The following CAPZA1 variants were observed in gnomAD, a reference collection of about 807,000 sequenced individuals.
CAPZA1 encodes the protein F-actin-capping protein subunit alpha-1.
In CAPZA1, 10 loss-of-function variants were observed where a neutral mutation model predicts 40.8. That is an observed-to-expected ratio of 0.25 (90% CI 0.15 to 0.42). The LOEUF is 0.42. Ranked by LOEUF, CAPZA1 falls within the 10% of genes least tolerant of loss-of-function variation. The probability of loss-of-function intolerance (pLI) is 1.00; values close to 1 mark genes in which losing one functional copy is unlikely to be tolerated. For missense variants in CAPZA1, 277 were observed against 353.8 expected, an observed-to-expected ratio of 0.78 and a Z score of 1.74; for synonymous variants, 98 against 115.0, an observed-to-expected ratio of 0.85 and a Z score of 0.95.
chr1:112,631,231 T>C (rs968758037), intron 1 of CAPZA1, among the ~76,000 whole-genome samples: 7 of 152,244 alleles, frequency 4.6e-5, no homozygotes, highest in African/African-American at 1.7e-4. Flanking sequence ...ATGAATTGTT[T>C]TGTGGTTTGT....
chr1:112,660,485 G>A (rs954512664), intron 7 of CAPZA1, among the ~76,000 whole-genome samples: 1 of 152,186 alleles, frequency 6.6e-6, no homozygotes, highest in South Asian at 2.1e-4. Flanking sequence ...TCTCCATGTT[G>A]GTTAGGCTGG....
rs777424326 is a variant in CAPZA1 at position 112,636,506 on chromosome 1, G to A, written c.40-10704G>A. ...AAAGAGGAAATTATGTAAAAGCCTC[G>A]GATAGTCTCCCTTTAAAATATTCAA... is the stretch of plus-strand genomic sequence containing the variant. On this transcript the variant is annotated intron_variant, in intron 1 of 9. Coordinates refer to ENST00000263168, the MANE Select transcript of CAPZA1 (RefSeq NM_006135.3). Among the ~76,000 whole-genome samples, 10 of 152,184 alleles carry A rather than the reference G, an allele frequency of 6.6e-5. No homozygotes were observed. The South Asian group carries it at 8.3e-4, about 13-fold the overall frequency.
chr1:112,663,980 T>A (rs1369452577), intron 7 of CAPZA1, among the ~76,000 whole-genome samples: 1 of 151,908 alleles, frequency 6.6e-6, no homozygotes, highest in East Asian at 1.9e-4. Flanking sequence ...ACGCCTGTAA[T>A]CCCAGCACTT....
rs368299817 is a variant in CAPZA1, at chr1:112,643,206, A to G, written c.40-4004A>G. Among the ~76,000 whole-genome samples the G allele has an allele frequency of 2.0e-5, 3 of 152,244 alleles. No individual in the cohort carries two copies. The South Asian group carries it at 6.2e-4, about 31-fold the overall frequency. The stretch of plus-strand genomic sequence containing the variant: ...ATTAAGTGTACATGCCAAGGAAAAT[A>G]TAGATAGAAATCTTTATTGTAACGG... On this transcript the variant is annotated intron_variant, in intron 1 of 9. Coordinates refer to ENST00000263168, the MANE Select transcript of CAPZA1 (RefSeq NM_006135.3).
chr1:112,643,175 A>T (rs1671211366), intron 1 of CAPZA1, among the ~76,000 whole-genome samples: 1 of 152,230 alleles, frequency 6.6e-6, no homozygotes, highest in South Asian at 2.1e-4. Flanking sequence ...AAAGTGCAGA[A>T]ATGTGATTAA....
At chr1:112,666,226 C>T (rs998643780) in intron 7 of CAPZA1, among the ~76,000 whole-genome samples, 22 of 152,312 alleles carry the variant, frequency 1.4e-4, no homozygotes, top group Admixed American at 3.9e-4. Flanking sequence ...GTTCTTTGTT[C>T]TTCTCCAAAT....
At chr1:112,654,880 T>G (rs761943999) in intron 5 of CAPZA1, among the ~76,000 whole-genome samples, 6 of 152,162 alleles carry the variant, frequency 3.9e-5, no homozygotes, top group Non-Finnish European at 8.8e-5. Context: ...CACAAAAAAT[T>G]TAGGTATCAG....
At chr1:112,643,388 A>T (rs985973531) in intron 1 of CAPZA1, among the ~76,000 whole-genome samples, 2 of 152,206 alleles carry the variant, frequency 1.3e-5, no homozygotes, top group African/African-American at 4.8e-5. Flanking sequence ...ACTATCTGTA[A>T]TTACCCTGTC....
At chr1:112,668,374 G>T (rs1436930103) in intron 8 of CAPZA1, among the ~76,000 whole-genome samples, 5 of 151,958 alleles carry the variant, frequency 3.3e-5, no homozygotes, top group Admixed American at 2.0e-4. Flanking sequence ...TAACATCTTT[G>T]TGAATATATT....
chr1:112,629,985 A>T (rs947202495), intron 1 of CAPZA1, among the ~76,000 whole-genome samples: 1 of 152,038 alleles, frequency 6.6e-6, no homozygotes. Context: ...TCTGTGCCTT[A>T]TGTTATCTGT....
intron 5 of CAPZA1, 43 bp downstream of exon 5, chr1:112,654,714 T>C: frequency 1.5e-6 from 2 of 1,350,982 alleles, no homozygotes; most frequent in South Asian, 1.4e-5. Flanking sequence ...TGTTTTCTTA[T>C]ATTTACCTTA....
intron 1 of CAPZA1, among the ~76,000 whole-genome samples, chr1:112,643,217 T>C (rs554170086): frequency 6.6e-6 from 1 of 152,282 alleles, no homozygotes; most frequent in South Asian, 2.1e-4. Flanking sequence ...TAGATAGAAA[T>C]CTTTATTGTA....
At chr1:112,666,917 C>A in intron 7 of CAPZA1, 157 bp from the exon 8 acceptor site, 1 of 562,326 alleles carries the variant, frequency 1.8e-6, no homozygotes, top group Non-Finnish European at 3.2e-6. Context: ...ATTAATTAAC[C>A]ACCATTGTGA....
intron 1 of CAPZA1, among the ~76,000 whole-genome samples, chr1:112,638,779 A>G (rs72699100): frequency 0.34 from 50,598 of 150,904 alleles, 10,647 homozygotes; most frequent in South Asian, 0.62. Flanking sequence ...TACTAAAAAT[A>G]CAAACATTAG....
chr1:112,650,267 A>G (rs527631163), intron 3 of CAPZA1, among the ~76,000 whole-genome samples: 2 of 152,344 alleles, frequency 1.3e-5, no homozygotes, highest in East Asian at 3.9e-4. Context: ...GATTTTAGCC[A>G]TAGAAAACAG....
chr1:112,619,989 T>G, intron 1 of CAPZA1, 106 bp downstream of exon 1: 1 of 885,266 alleles, frequency 1.1e-6, no homozygotes, highest in Non-Finnish European at 1.8e-6. Context: ...AGAAGCTTCT[T>G]GGTCCATGCT....
intron 1 of CAPZA1, among the ~76,000 whole-genome samples, chr1:112,646,214 G>A (rs1298324195): frequency 4.6e-5 from 7 of 152,180 alleles, no homozygotes; most frequent in African/African-American, 1.4e-4. Context: ...ATTTTCCATA[G>A]CATTCCTTGT....
At chr1:112,633,653 G>A (rs556421158) in intron 1 of CAPZA1, among the ~76,000 whole-genome samples, 2 of 152,124 alleles carry the variant, frequency 1.3e-5, no homozygotes, top group African/African-American at 2.4e-5. Context: ...AGTATATTGC[G>A]GAATTTCCAT....
At chr1:112,660,469 G>A (rs1671583275) in intron 7 of CAPZA1, among the ~76,000 whole-genome samples, 1 of 151,824 alleles carries the variant, frequency 6.6e-6, no homozygotes, top group African/African-American at 2.4e-5. Context: ...TAGTACAGGC[G>A]GGGTTTCTCC....
Sources: gnomAD v4.1 joint callset for allele counts (sites outside exome capture counted in the v4.1 genomes callset) on GRCh38, gnomAD v4.1.1 for gene constraint, MANE v1.5 for transcripts, NCBI Gene and HGNC (gene_info 2026-07-23, HGNC 2026-07-21) for gene names.